Variants in DMD observed in about 807,000 individuals in gnomAD.
The protein encoded by DMD is dystrophin, also known as mutant dystrophin.
Under a neutral mutation model 330.1 loss-of-function variants are expected in DMD, and 63 were observed. That is an observed-to-expected ratio of 0.19 (90% CI 0.16 to 0.24). The LOEUF (loss-of-function observed/expected upper bound fraction) is 0.24, where lower values mean the gene tolerates loss of function less well. DMD is among the 10% of genes least tolerant of loss of function. The pLI, the probability that DMD is intolerant of heterozygous loss-of-function variation, is 1.00. For missense variants in DMD, 3,344 were observed against 2,684.1 expected (o/e 1.25, Z -5.43); for synonymous variants, 1,223 against 959.8 (o/e 1.27, Z -5.07).
intron 9 of DMD, among the ~76,000 whole-genome samples, chrX:32,661,205 C>A (rs1468459858): frequency 6.3e-5 from 7 of 111,446 alleles, no homozygotes; most frequent in African/African-American, 9.8e-5. Flanking sequence ...GTGCTATCCA[C>A]TGTGTAGACT....
intron 9 of DMD, among the ~76,000 whole-genome samples, chrX:32,655,018 A>G (rs1403463179): frequency 2.7e-5 from 3 of 110,398 alleles, no homozygotes; most frequent in Non-Finnish European, 5.7e-5. Flanking sequence ...TTTTTATTGC[A>G]TCTATTTGAT....
chrX:33,130,104 T>G (rs1439013163), intron 1 of DMD, among the ~76,000 whole-genome samples: 2 of 111,983 alleles, frequency 1.8e-5, no homozygotes, highest in Admixed American at 9.5e-5. Context: ...AGTAGTTAAT[T>G]GCAGAAGTTA....
intron 56 of DMD, among the ~76,000 whole-genome samples, chrX:31,498,918 C>A (rs2070136321): frequency 8.9e-6 from 1 of 112,006 alleles, no homozygotes; most frequent in African/African-American, 3.2e-5. Flanking sequence ...TCTGTACCAT[C>A]CTTTCAGTTA....
chrX:31,325,151 T>C (rs1427595785), intron 61 of DMD, among the ~76,000 whole-genome samples: 1 of 111,775 alleles, frequency 8.9e-6, no homozygotes, highest in Non-Finnish European at 1.9e-5. Context: ...TCTTTCTCTA[T>C]TCCTTTCTTT....
At chrX:31,928,032 A>C (rs1248768105) in intron 47 of DMD, among the ~76,000 whole-genome samples, 1 of 112,362 alleles carries the variant, frequency 8.9e-6, no homozygotes, top group Non-Finnish European at 1.9e-5. Flanking sequence ...CAAAATGTTT[A>C]AATAAAATGA....
At chrX:31,492,418 T>C (rs1455388821) in intron 57 of DMD, among the ~76,000 whole-genome samples, 1 of 111,956 alleles carries the variant, frequency 8.9e-6, no homozygotes, top group Admixed American at 9.5e-5. Context: ...TGACAAAACT[T>C]TGAGTCAAAC....
At chrX:31,273,733 C>T (rs1377127447) in intron 62 of DMD, among the ~76,000 whole-genome samples, 2 of 111,254 alleles carry the variant, frequency 1.8e-5, no homozygotes, top group African/African-American at 6.5e-5. Context: ...AAGCAGCTTC[C>T]TTAATCTTCA....
chrX:31,194,841 T>G (rs189390509), intron 67 of DMD, among the ~76,000 whole-genome samples: 23 of 111,800 alleles, frequency 2.1e-4, no homozygotes, highest in African/African-American at 6.8e-4. Context: ...TCCCCAGGAT[T>G]CGTTTTCTCT....
At chrX:32,742,618 A>G (rs745586400) in intron 7 of DMD, among the ~76,000 whole-genome samples, 1 of 111,725 alleles carries the variant, frequency 9.0e-6, no homozygotes, top group South Asian at 3.8e-4. Context: ...TTTAGAGGAG[A>G]GTAAATGGGA....
chrX:32,634,938 C>T (rs1441594835), intron 11 of DMD, among the ~76,000 whole-genome samples: 3 of 111,606 alleles, frequency 2.7e-5, no homozygotes, highest in East Asian at 2.8e-4. Flanking sequence ...GTCCTTGTGG[C>T]CTAGACTACC....
At chrX:32,695,960 C>A (rs1042041717) in intron 9 of DMD, among the ~76,000 whole-genome samples, 1 of 111,434 alleles carries the variant, frequency 9.0e-6, no homozygotes, top group Non-Finnish European at 1.9e-5. Flanking sequence ...GTTAGGAGAG[C>A]TGAATAAAAG....
rs2053416349 is a variant in DMD at position 33,285,345 on chromosome X, G to A, written c.7+53914C>T. On this transcript the variant is annotated intron_variant, in intron 1 of 17. Coordinates refer to the DMD transcript ENST00000288447. Reference sequence around the variant, plus strand: ...TGTGTGTGTGTTATAATGTAGTGGAGAAGCAAACTTGATACATTTAATGCT... The same window carrying A: ...TGTGTGTGTGTTATAATGTAGTGGAAAAGCAAACTTGATACATTTAATGCT... Among the ~76,000 whole-genome samples, 5 of 111,146 alleles carry A rather than the reference G, an allele frequency of 4.5e-5. No homozygotes were observed. The South Asian group carries it at 1.9e-3, about 42-fold the overall frequency.
At chrX:32,858,225 G>C (rs930812240) in intron 2 of DMD, among the ~76,000 whole-genome samples, 1 of 112,230 alleles carries the variant, frequency 8.9e-6, no homozygotes, top group Non-Finnish European at 1.9e-5. Context: ...ATTACACAGT[G>C]CCTGCAGGTT....
intron 44 of DMD, among the ~76,000 whole-genome samples, chrX:32,215,885 T>C (rs2097110531): frequency 8.9e-6 from 1 of 112,111 alleles, no homozygotes; most frequent in Non-Finnish European, 1.9e-5. Context: ...TTACACAAGG[T>C]TTTAAAAATA....
intron 18 of DMD, among the ~76,000 whole-genome samples, chrX:32,504,167 T>A (rs2044368473): frequency 8.9e-6 from 1 of 112,391 alleles, no homozygotes; most frequent in Admixed American, 9.4e-5. Flanking sequence ...ACACCCTTCT[T>A]TTGTTTTAAT....
chrX:32,964,877 G>C (rs2092079256), intron 2 of DMD, among the ~76,000 whole-genome samples: 1 of 111,895 alleles, frequency 8.9e-6, no homozygotes, highest in Non-Finnish European at 1.9e-5. Flanking sequence ...ACCTTTTGTT[G>C]AAAGTACACA....
At chrX:32,319,391 T>C (rs1441433908) in intron 41 of DMD, among the ~76,000 whole-genome samples, 1 of 111,650 alleles carries the variant, frequency 9.0e-6, no homozygotes, top group African/African-American at 3.3e-5. Flanking sequence ...GTACCTAGCA[T>C]ACAGTATGTT....
chrX:32,758,525 A>C (rs2071798907), intron 7 of DMD, among the ~76,000 whole-genome samples: 1 of 111,535 alleles, frequency 9.0e-6, no homozygotes, highest in Admixed American at 9.6e-5. Flanking sequence ...TGATAAAATA[A>C]TGGGTCACAG....
chrX:31,322,194 A>G (rs987371524), intron 62 of DMD, among the ~76,000 whole-genome samples: 5 of 112,175 alleles, frequency 4.5e-5, no homozygotes, highest in African/African-American at 1.6e-4. Flanking sequence ...AAGAAGTAGC[A>G]GGTCTCAAAC....
Sources: allele counts gnomAD v4.1 joint callset (sites outside exome capture counted in the v4.1 genomes callset), GRCh38; gene constraint gnomAD v4.1.1; transcripts MANE v1.5; gene names NCBI Gene and HGNC (gene_info 2026-07-23, HGNC 2026-07-21).